Variants in GPR26 observed in about 807,000 individuals in gnomAD.
GPR26 encodes the protein G protein-coupled receptor 26.
Under a neutral mutation model 23.1 loss-of-function variants are expected in GPR26, and 15 were observed. That is an observed-to-expected ratio of 0.65 (90% CI 0.43 to 1.00). The LOEUF (loss-of-function observed/expected upper bound fraction) is 1.00, where lower values mean the gene tolerates loss of function less well. Among genes scored for constraint, GPR26 ranks in the 50% least tolerant of loss-of-function variants. The pLI is 0.00. For synonymous variants in GPR26, 228 were observed against 222.1 expected, an observed-to-expected ratio of 1.03 and a Z score of -0.24; for missense variants, 359 against 470.5, an observed-to-expected ratio of 0.76 and a Z score of 2.19.
intron 2 of GPR26, among the ~76,000 whole-genome samples, chr10:123,679,247 A>G (rs1438844150): frequency 6.6e-6 from 1 of 152,194 alleles, no homozygotes; most frequent in Admixed American, 6.5e-5. Flanking sequence ...AGGGAGGGTG[A>G]GCTGGTTGCA....
intron 2 of GPR26, among the ~76,000 whole-genome samples, chr10:123,685,834 A>T (rs766045856): frequency 6.8e-4 from 103 of 152,322 alleles, no homozygotes; most frequent in Non-Finnish European, 1.1e-3. Flanking sequence ...CTTGCTGCTC[A>T]TCTCTCTGAG....
In GPR26 at chr10:123,689,630, G is replaced by C. The variant is rs1383478277; in HGVS notation, c.*1470G>C. ...TCCAGCTCTTTACATCCTAACTTTG[G>C]AGGTATAGAAGGAAGGATGTGGTCC... is the stretch of plus-strand genomic sequence containing the variant. On this transcript the variant is annotated 3_prime_UTR_variant, in exon 3 of 3. Transcript: ENST00000284674. 2.6e-5 allele frequency: 4 copies of C among 152,170 alleles called. No individual in the cohort carries two copies. Among genetic ancestry groups the C allele is most frequent in the African/African-American group, 9.7e-5 (4 of 41,428 alleles). 9.4% of individuals were successfully genotyped at this position (152,170 alleles called of 1,614,324 possible).
In GPR26 at chr10:123,696,513, G is replaced by A. The variant is rs1020664084; in HGVS notation, c.*8353G>A. Among the ~76,000 whole-genome samples, 2 of 152,164 alleles carry A rather than the reference G, an allele frequency of 1.3e-5. No individual in the cohort carries two copies. Among genetic ancestry groups the A allele is most frequent in the African/African-American group, 4.8e-5 (2 of 41,432 alleles). ...CCAGTTAAGGAAACCTAAGGTATGT[G>A]CCAGCTGGTTTAGCATTCAATATGG... On this transcript the variant is annotated 3_prime_UTR_variant, in exon 3 of 3. Coordinates refer to ENST00000284674, the MANE Select transcript of GPR26 (RefSeq NM_153442.4).
chr10:123,673,193 A>C (rs781287646), intron 1 of GPR26, among the ~76,000 whole-genome samples: 6 of 152,320 alleles, frequency 3.9e-5, no homozygotes, highest in African/African-American at 1.4e-4. Flanking sequence ...AGTCAGGGGG[A>C]AAAATCTTGG....
At chr10:123,677,391 T>C (rs1346621860) in intron 2 of GPR26, among the ~76,000 whole-genome samples, 1 of 152,106 alleles carries the variant, frequency 6.6e-6, no homozygotes, top group African/African-American at 2.4e-5. Context: ...GGAAACCTCA[T>C]GAGTACAAAA....
chr10:123,672,572 C>G (rs533050813), intron 1 of GPR26, among the ~76,000 whole-genome samples: 1 of 152,344 alleles, frequency 6.6e-6, no homozygotes, highest in Admixed American at 6.5e-5. Flanking sequence ...GCACCTTTGG[C>G]ACAGTCTCTG....
rs1845453354 is a variant in GPR26 at position 123,688,313 on chromosome 10, C to A, written c.*153C>A. On this transcript the variant is annotated 3_prime_UTR_variant, in exon 3 of 3. Transcript: ENST00000284674. Reference sequence around the variant, plus strand: ...TGGCTTGTAGGGGCTCCAGAGCCTGCTTCCTGGTTCCTCAAGGGCAGATAT... The same window carrying A: ...TGGCTTGTAGGGGCTCCAGAGCCTGATTCCTGGTTCCTCAAGGGCAGATAT... 1 of 618,986 alleles carries A rather than the reference C, an allele frequency of 1.6e-6. No homozygotes were observed. The highest frequency in any genetic ancestry group is 1.9e-5 in the South Asian group (1 of 51,938). 38.3% of individuals were successfully genotyped at this position (618,986 alleles called of 1,614,324 possible). A position where few individuals can be genotyped will look rare whatever the true frequency, so the allele number is the denominator to read the frequency against.
At chr10:123,685,758 G>T (rs1308934788) in intron 2 of GPR26, among the ~76,000 whole-genome samples, 1 of 152,218 alleles carries the variant, frequency 6.6e-6, no homozygotes, top group Non-Finnish European at 1.5e-5. Context: ...ACATCTTGGC[G>T]TGGCCACTAG....
intron 2 of GPR26, among the ~76,000 whole-genome samples, chr10:123,686,557 G>A (rs1185619632): frequency 6.7e-6 from 1 of 149,706 alleles, no homozygotes; most frequent in Non-Finnish European, 1.5e-5. Flanking sequence ...TTTCTGTGGA[G>A]AATCACACTC....
In GPR26 at chr10:123,688,430, G is replaced by A; in HGVS notation, c.*270G>A. ...CTGCTTTGAGCTCCTGGACTCACCT[G>A]AGGCTCCCTGGGGGATGACACTCAG... On this transcript the variant is annotated 3_prime_UTR_variant, in exon 3 of 3. Transcript: ENST00000284674. The A allele has an allele frequency of 4.3e-6, 2 of 464,128 alleles. No homozygotes were observed. The highest frequency in any genetic ancestry group is 4.5e-5 in the South Asian group (2 of 44,302). 28.8% of individuals were successfully genotyped at this position (464,128 alleles called of 1,614,324 possible).
Position 123,691,181 on chromosome 10 carries a change from T to C in GPR26, c.*3021T>C, listed in dbSNP as rs1845487053. 6.6e-6 allele frequency: 1 copy of C among 152,190 alleles called. No individual in the cohort carries two copies. The highest frequency in any genetic ancestry group is 6.5e-5 in the Admixed American group (1 of 15,282). The allele number at this position is 152,190 out of a possible 1,614,324, so 9.4% of individuals were successfully genotyped here. On this transcript the variant is annotated 3_prime_UTR_variant, in exon 3 of 3. Transcript: ENST00000284674. The stretch of plus-strand genomic sequence containing the variant: ...AGCCGAGGGACCTCCAAAGGGAACG[T>C]CCATTTGCATGTGTGCCCTGGTATT...
At chr10:123,670,805 CAT>C (rs771091271) in intron 1 of GPR26, among the ~76,000 whole-genome samples, 16 of 152,244 alleles carry the variant, frequency 1.1e-4, no homozygotes, top group African/African-American at 1.4e-4. Context: ...GATGCCCACA[CAT>C]GTCTTGCAGG....
intron 1 of GPR26, among the ~76,000 whole-genome samples, chr10:123,670,022 G>T (rs1290597804): frequency 1.3e-5 from 2 of 152,204 alleles, no homozygotes; most frequent in Non-Finnish European, 1.5e-5. Flanking sequence ...GGGCCCCAGG[G>T]TATGGTTGCA....
At chr10:123,685,814 G>C (rs1042727078) in intron 2 of GPR26, among the ~76,000 whole-genome samples, 8 of 152,210 alleles carry the variant, frequency 5.3e-5, no homozygotes, top group Admixed American at 1.3e-4. Context: ...TCCCATGCAG[G>C]AGACCCTGAC....
chr10:123,688,017 C>A lies in GPR26; in HGVS notation c.871C>A (p.Pro291Thr). The stretch of plus-strand genomic sequence containing the variant: ...GGCGTACAGCAAGGCCGCATCCGAC[C>A]CCTTTGTGTACTCCTTACTGCGACA... ...CLAYSKAASDPFVYSLLRHQY... is the reference protein window; with the variant it reads ...CLAYSKAASDTFVYSLLRHQY... The change falls in exon 3 of 3, where the codon CCC (proline) becomes ACC (threonine). Residue 291 changes from proline (P) to threonine (T), a missense_variant. Transcript: ENST00000284674. 1 of 1,613,966 alleles carries A rather than the reference C, an allele frequency of 6.2e-7. No homozygotes were observed. Among genetic ancestry groups the A allele is most frequent in the Non-Finnish European group, 8.5e-7 (1 of 1,179,856 alleles).
intron 2 of GPR26, among the ~76,000 whole-genome samples, chr10:123,680,818 TTG>T (rs1450040013): frequency 0.022 from 1,625 of 73,848 alleles, 96 homozygotes; most frequent in East Asian, 0.057. Context: ...TTGTTTTGTT[TTG>T]TTTTTTTGGG....
intron 2 of GPR26, among the ~76,000 whole-genome samples, chr10:123,675,154 T>C (rs7911473): frequency 1.3e-5 from 2 of 152,096 alleles, no homozygotes; most frequent in African/African-American, 4.8e-5. Flanking sequence ...TGTGAAAGAC[T>C]CTCTCCCACT....
chr10:123,686,385 C>G (rs969061285), intron 2 of GPR26, among the ~76,000 whole-genome samples: 2 of 152,166 alleles, frequency 1.3e-5, no homozygotes, highest in Non-Finnish European at 2.9e-5. Context: ...TAAGTGTTCA[C>G]AGCTCCATTT....
At chr10:123,670,621 C>A (rs74161050) in intron 1 of GPR26, among the ~76,000 whole-genome samples, 10,389 of 152,272 alleles carry the variant, frequency 0.068, 444 homozygotes, top group African/African-American at 0.12. Flanking sequence ...AGCTGGCCCA[C>A]CTGCCTTGCC....
Sources: allele counts gnomAD v4.1 joint callset (sites outside exome capture counted in the v4.1 genomes callset), GRCh38; gene constraint gnomAD v4.1.1; transcripts MANE v1.5; gene names NCBI Gene and HGNC (gene_info 2026-07-23, HGNC 2026-07-21).